LMTK3: variants seen among roughly 807,000 people sequenced by gnomAD.
The protein encoded by LMTK3 is lemur tail kinase 3.
In LMTK3, 27 loss-of-function variants were observed where a neutral mutation model predicts 116.7. That is an observed-to-expected ratio of 0.23 (90% CI 0.17 to 0.32). The LOEUF is 0.32. Ranked by LOEUF, LMTK3 falls within the 10% of genes least tolerant of loss-of-function variation. The pLI is 1.00. For missense variants in LMTK3, 1,764 were observed against 2,068.5 expected, an observed-to-expected ratio of 0.85 and a Z score of 2.86; for synonymous variants, 965 against 971.0, an observed-to-expected ratio of 0.99 and a Z score of 0.11.
chr19:48,492,816 A>G (rs1422938373), intron 12 of LMTK3, among the ~76,000 whole-genome samples: 1 of 148,926 alleles, frequency 6.7e-6, no homozygotes, highest in Non-Finnish European at 1.5e-5. Flanking sequence ...CCAGACCCAC[A>G]CTCTCTCTCC....
intron 12 of LMTK3, among the ~76,000 whole-genome samples, chr19:48,492,082 C>T (rs1265690093): frequency 6.6e-6 from 1 of 152,172 alleles, no homozygotes; most frequent in African/African-American, 2.4e-5. Context: ...GCCTTGTTTC[C>T]ATTCCTTTCA....
At chr19:48,486,302 A>G (rs986927147) in intron 14 of LMTK3, among the ~76,000 whole-genome samples, 4 of 148,086 alleles carry the variant, frequency 2.7e-5, no homozygotes, top group South Asian at 2.1e-4. Context: ...CTCGTGATCC[A>G]CCCGCCTCGG....
At position 48,503,009 on chromosome 19, in the gene LMTK3, G is replaced by A; in HGVS notation, c.558-13C>T. On this transcript the variant is annotated splice_polypyrimidine_tract_variant and intron_variant, in intron 5 of 14. Coordinates refer to ENST00000600059, the MANE Select transcript of LMTK3 (RefSeq NM_001388485.1). The stretch of plus-strand genomic sequence containing the variant: ...GTGCTGCAGGCTCCTGTGGAGTGAG[G>A]AGGTGGCTGAGTTGGGAAGGCAGCC... 6.3e-7 allele frequency: 1 copy of A among 1,588,000 alleles called. No homozygotes were observed. Among genetic ancestry groups the A allele is most frequent in the Non-Finnish European group, 8.6e-7 (1 of 1,158,374 alleles).
Position 48,491,371 on chromosome 19 carries a change from C to A in LMTK3, c.4228+33G>T. 1 of 1,357,458 alleles carries A rather than the reference C, an allele frequency of 7.4e-7. No homozygotes were observed. Among genetic ancestry groups the A allele is most frequent in the Non-Finnish European group, 9.5e-7 (1 of 1,052,526 alleles). The allele number at this position is 1,357,458 out of a possible 1,614,324, so 84.1% of individuals were successfully genotyped here. A position where few individuals can be genotyped will look rare whatever the true frequency, so the allele number is the denominator to read the frequency against. On this transcript the variant is annotated intron_variant, in intron 13 of 14. Coordinates refer to ENST00000600059, the MANE Select transcript of LMTK3 (RefSeq NM_001388485.1). This position sits in a 1 kb window ranked among gnomAD's most constrained non-coding sequence, Gnocchi z 5.1. ...CCCGCCCCGTCCGCCCCATGGCTCC[C>A]GCCCCCTCCCGCCCCATAGGGCCCG...
At chr19:48,493,620 A>C in intron 12 of LMTK3, 74 bp downstream of exon 12, 5 of 1,247,994 alleles carry the variant, frequency 4.0e-6, no homozygotes, top group Non-Finnish European at 4.1e-6. Flanking sequence ...GCCTCCCGCC[A>C]GGCCCTTCCC....
At chr19:48,486,424 C>T (rs549938132) in intron 14 of LMTK3, among the ~76,000 whole-genome samples, 24 of 152,188 alleles carry the variant, frequency 1.6e-4, no homozygotes, top group Admixed American at 6.5e-4. Context: ...GAGTCCTTCC[C>T]CAACCATACT....
At chr19:48,512,019 A>G (rs1156445513), upstream of LMTK3, among the ~76,000 whole-genome samples, 9 of 93,900 alleles carry the variant, frequency 9.6e-5, no homozygotes, top group East Asian at 2.9e-3. Flanking sequence ...TGGGAGGGGG[A>G]GGGACAGACA....
chr19:48,485,674 A>T lies in LMTK3; in HGVS notation c.*99T>A. ...GGCCCAGCCTCGGGGGCCTCCCCAG[A>T]GGCGGCGTCTGCGGTGGTGGCAGTG... On this transcript the variant is annotated 3_prime_UTR_variant, in exon 15 of 15. Coordinates refer to ENST00000600059, the MANE Select transcript of LMTK3 (RefSeq NM_001388485.1). The T allele has an allele frequency of 7.3e-7, 1 of 1,366,746 alleles. No homozygotes were observed. The allele number at this position is 1,366,746 out of a possible 1,614,324, so 84.7% of individuals were successfully genotyped here.
At chr19:48,507,449 A>G (rs964866233) in intron 5 of LMTK3, among the ~76,000 whole-genome samples, 1 of 152,144 alleles carries the variant, frequency 6.6e-6, no homozygotes, top group African/African-American at 2.4e-5. Flanking sequence ...AGAGACCTGC[A>G]CTGTCCAACA....
rs1234619101 is a variant in LMTK3 at position 48,497,716 on chromosome 19, C to T, written c.3353G>A (p.Gly1118Asp). The T allele has an allele frequency of 1.6e-5, 21 of 1,331,244 alleles. No homozygotes were observed. Among genetic ancestry groups the T allele is most frequent in the South Asian group, 2.1e-5 (1 of 46,856 alleles). 82.5% of individuals were successfully genotyped at this position (1,331,244 alleles called of 1,614,324 possible). The change falls in exon 11 of 15, where the codon GGC (glycine) becomes GAC (aspartate). Residue 1118 changes from glycine (G) to aspartate (D), a missense_variant. By Grantham distance (94) the Gly-to-Asp change is moderately conservative. Transcript: ENST00000600059. The surrounding 1 kb of genome is among the most constrained non-coding windows in gnomAD (Gnocchi z 5.7). ...GCCGCCGCCGGGGGCCGTCCCCGTG[C>T]CCACTGGGGCTCGGCCCCCACTCCC... ...DLGSGGRAPV[G>D]TGTAPGGGPG...
chr19:48,486,459 C>T (rs1234124790), intron 14 of LMTK3, among the ~76,000 whole-genome samples: 1 of 152,156 alleles, frequency 6.6e-6, no homozygotes, highest in East Asian at 1.9e-4. Context: ...CCCCTGCACG[C>T]TCATCTTTCT....
At chr19:48,487,392 C>A (rs1326798037) in intron 14 of LMTK3, among the ~76,000 whole-genome samples, 1 of 152,120 alleles carries the variant, frequency 6.6e-6, no homozygotes, top group Admixed American at 6.6e-5. Flanking sequence ...GCCGGCTGGT[C>A]TCGAACTCCT....
At chr19:48,501,204 C>T (rs1004927431) in intron 9 of LMTK3, 59 bp from the exon 10 acceptor site, 5 of 1,605,342 alleles carry the variant, frequency 3.1e-6, no homozygotes, top group Non-Finnish European at 4.3e-6. Context: ...CTCATTTTCC[C>T]CATCTGTAGA....
rs1972407914 is a variant in LMTK3, at chr19:48,499,090, C to T, written c.1979G>A (p.Gly660Asp). ...PGEDSSSLGG[G>D]PSRRGPLPCP... ...GGGTAGGGGACCCCGGCGGCTTGGG[C>T]CACCTCCAAGGCTGCTGCTGTCTTC... The change falls in exon 11 of 15, where the codon GGC becomes GAC. Residue 660 changes from glycine to aspartate, a missense_variant. By Grantham distance (94) the Gly-to-Asp change is moderately conservative. Coordinates refer to ENST00000600059, the MANE Select transcript of LMTK3 (RefSeq NM_001388485.1). 4 of 1,551,102 alleles carry T rather than the reference C, an allele frequency of 2.6e-6. No homozygotes were observed. Among genetic ancestry groups the T allele is most frequent in the African/African-American group, 2.7e-5 (2 of 73,020 alleles).
Position 48,511,544 on chromosome 19 carries a change from C to T in LMTK3, c.33G>A (p.Ala11=). The part of the protein sequence containing the change: MPAPGALILL[A]AVSASGCLAS... ...CCAGGCAGCCGGAGGCGGAGACGGC[C>T]GCAAGGAGGATGAGGGCGCCGGGGG... The change falls in exon 1 of 15, where the codon GCG becomes GCA. Residue 11 remains alanine (A), a synonymous_variant. Coordinates refer to ENST00000600059, the MANE Select transcript of LMTK3 (RefSeq NM_001388485.1). The T allele has an allele frequency of 7.0e-7, 1 of 1,437,010 alleles. No homozygotes were observed. Among genetic ancestry groups the T allele is most frequent in the Non-Finnish European group, 9.2e-7 (1 of 1,081,970 alleles). The allele number at this position is 1,437,010 out of a possible 1,614,324, so 89.0% of individuals were successfully genotyped here.
chr19:48,492,903 C>A (rs951367079), intron 12 of LMTK3, among the ~76,000 whole-genome samples: 1 of 151,496 alleles, frequency 6.6e-6, no homozygotes, highest in African/African-American at 2.4e-5. Context: ...CAGCTCTAGG[C>A]TCGGCCCATA....
intron 3 of LMTK3, 95 bp from the exon 4 acceptor site, chr19:48,509,608 C>G (rs1972624947): frequency 1.9e-6 from 2 of 1,038,326 alleles, no homozygotes; most frequent in Admixed American, 2.8e-5. Context: ...ACAGAGCAGA[C>G]ATCACTCTCT....
Position 48,485,793 on chromosome 19 carries a change from A to G in LMTK3, c.4367-4T>C. The G allele has an allele frequency of 6.2e-7, 1 of 1,609,790 alleles. No individual in the cohort carries two copies. Among genetic ancestry groups the G allele is most frequent in the Non-Finnish European group, 8.5e-7 (1 of 1,178,306 alleles). ...GGGAATCAATTCTCCACGGGGCCTGAGGATGGACAGAGGAGACAGAGAAAT... is the reference window on the plus strand; with the variant it reads ...GGGAATCAATTCTCCACGGGGCCTGGGGATGGACAGAGGAGACAGAGAAAT... On this transcript the variant is annotated splice_region_variant and splice_polypyrimidine_tract_variant and intron_variant, in intron 14 of 14. Transcript: ENST00000600059.
rs1013888767 is a variant in LMTK3, at chr19:48,491,344, A to G, written c.4228+60T>C. 2 of 1,307,866 alleles carry G rather than the reference A, an allele frequency of 1.5e-6. No individual in the cohort carries two copies. Among genetic ancestry groups the G allele is most frequent in the Admixed American group, 8.0e-5 (2 of 25,032 alleles). 81.0% of individuals were successfully genotyped at this position (1,307,866 alleles called of 1,614,324 possible). On this transcript the variant is annotated intron_variant, in intron 13 of 14. Coordinates refer to ENST00000600059, the MANE Select transcript of LMTK3 (RefSeq NM_001388485.1). The surrounding 1 kb of genome is among the most constrained non-coding windows in gnomAD (Gnocchi z 5.1). Reference sequence around the variant, plus strand: ...CGACCAAGCCCCTCCCACCCCATAGACCCCGCCCCGTCCGCCCCATGGCTC... The same window carrying G: ...CGACCAAGCCCCTCCCACCCCATAGGCCCCGCCCCGTCCGCCCCATGGCTC...
Sources: gnomAD v4.1 joint callset for allele counts (sites outside exome capture counted in the v4.1 genomes callset) on GRCh38, gnomAD v4.1.1 for gene constraint, Gnocchi (gnomAD v3.1) non-coding constraint, MANE v1.5 for transcripts, NCBI Gene and HGNC (gene_info 2026-07-23, HGNC 2026-07-21) for gene names.